Variants in PITPNC1 observed in about 807,000 individuals in gnomAD.
PITPNC1 encodes phosphatidylinositol transfer protein cytoplasmic 1, also known as cytoplasmic phosphatidylinositol transfer protein 1.
A neutral mutation model predicts 44.7 loss-of-function variants in PITPNC1; 18 were observed. That is an observed-to-expected ratio of 0.40 (90% CI 0.28 to 0.60). PITPNC1 has a LOEUF of 0.60. Among genes scored for constraint, PITPNC1 ranks in the 20% least tolerant of loss-of-function variants. The pLI, the probability that PITPNC1 is intolerant of heterozygous loss-of-function variation, is 0.39. For missense variants in PITPNC1, 290 were observed against 418.4 expected (o/e 0.69, Z 2.68); for synonymous variants, 141 against 149.6 (o/e 0.94, Z 0.42).
Position 67,508,404 on chromosome 17 carries a change from G to A in PITPNC1, c.49-24398G>A, listed in dbSNP as rs1311083000. On this transcript the variant is annotated intron_variant, in intron 1 of 8. Transcript: ENST00000581322. The surrounding 1 kb of genome is among the most constrained non-coding windows in gnomAD (Gnocchi z 4.2). ...TTTACACCATATAGGGTAACTTCCTGATGTTGCCATGGCATTTGTAAACTG... is the reference window on the plus strand; with the variant it reads ...TTTACACCATATAGGGTAACTTCCTAATGTTGCCATGGCATTTGTAAACTG... Among the ~76,000 whole-genome samples the A allele has an allele frequency of 6.6e-6, 1 of 152,244 alleles. No individual in the cohort carries two copies. Among genetic ancestry groups the A allele is most frequent in the African/African-American group, 2.4e-5 (1 of 41,456 alleles).
chr17:67,575,873 T>A, intron 4 of PITPNC1, among the ~76,000 whole-genome samples: 1 of 75,484 alleles, frequency 1.3e-5, no homozygotes, highest in African/African-American at 6.4e-5. Flanking sequence ...CTTCTTTCTT[T>A]CTTTCCTTTT....
In PITPNC1 at chr17:67,447,549, A is replaced by T. The variant is rs116072595; in HGVS notation, c.48+69347A>T. ...CCAGATAATTTTAAAATTTTTTTGTAGAGGCAGGGGTCTCACCATCTTGCC... is the reference window on the plus strand; with the variant it reads ...CCAGATAATTTTAAAATTTTTTTGTTGAGGCAGGGGTCTCACCATCTTGCC... On this transcript the variant is annotated intron_variant, in intron 1 of 8. Coordinates refer to ENST00000581322, the MANE Select transcript of PITPNC1 (RefSeq NM_012417.4). 4.8e-3 allele frequency among the ~76,000 whole-genome samples: 722 copies of T among 151,504 alleles called. 7 individuals are homozygous for T. Among genetic ancestry groups the T allele is most frequent in the African/African-American group, 0.017 (697 of 41,332 alleles).
chr17:67,585,866 C>T (rs2952460), intron 5 of PITPNC1, among the ~76,000 whole-genome samples: 9,396 of 152,274 alleles, frequency 0.062, 456 homozygotes, highest in African/African-American at 0.14. Flanking sequence ...AGGCAGCCAT[C>T]CGCAAGTCAA....
At chr17:67,414,458 A>G (rs1035186081) in intron 1 of PITPNC1, among the ~76,000 whole-genome samples, 4 of 149,750 alleles carry the variant, frequency 2.7e-5, no homozygotes, top group African/African-American at 9.8e-5. Context: ...TATATACTGT[A>G]TGCATCTATG....
Position 67,420,823 on chromosome 17 carries a change from C to T in PITPNC1, c.48+42621C>T, listed in dbSNP as rs768352652. Among the ~76,000 whole-genome samples, 35 of 152,212 alleles carry T rather than the reference C, an allele frequency of 2.3e-4. 1 individual carries two copies. Among genetic ancestry groups the T allele is most frequent in the Admixed American group, 3.9e-4 (6 of 15,274 alleles). ...TGTAGAAGCACTTAGTGTTTTGGCA[C>T]TCAGACTTACTTTCCAGTGTTTCTT... On this transcript the variant is annotated intron_variant, in intron 1 of 8. Coordinates refer to ENST00000581322, the MANE Select transcript of PITPNC1 (RefSeq NM_012417.4).
intron 2 of PITPNC1, among the ~76,000 whole-genome samples, chr17:67,551,033 C>T (rs1368499512): frequency 1.3e-5 from 2 of 152,124 alleles, no homozygotes; most frequent in African/African-American, 4.8e-5. Context: ...TGCACTCCAG[C>T]CTGGGTGACA....
intron 1 of PITPNC1, among the ~76,000 whole-genome samples, chr17:67,494,160 C>CCTCT (rs1491188167): frequency 1.2e-4 from 5 of 42,018 alleles, no homozygotes; most frequent in Non-Finnish European, 2.6e-4. Flanking sequence ...ATATGTGTAA[C>CCTCT]CTCTTTCTTT....
chr17:67,502,281 G>A lies in PITPNC1; in HGVS notation c.49-30521G>A, dbSNP rs1598748966. Reference sequence around the variant, plus strand: ...ATAATCCGTGTTTTAAGATTTACTTGTACTTTTTTTTTTTTTAGGCCACTA... The same window carrying A: ...ATAATCCGTGTTTTAAGATTTACTTATACTTTTTTTTTTTTTAGGCCACTA... On this transcript the variant is annotated intron_variant, in intron 1 of 8. Coordinates refer to ENST00000581322, the MANE Select transcript of PITPNC1 (RefSeq NM_012417.4). 2.8e-5 allele frequency among the ~76,000 whole-genome samples: 4 copies of A among 140,860 alleles called. No homozygotes were observed. In the South Asian group the frequency reaches 9.5e-4, roughly 33 times the overall value. 92.4% of individuals were successfully genotyped at this position (140,860 alleles called of 152,430 possible).
At chr17:67,605,715 G>A (rs1370295143) in intron 5 of PITPNC1, among the ~76,000 whole-genome samples, 4 of 152,130 alleles carry the variant, frequency 2.6e-5, no homozygotes, top group South Asian at 2.1e-4. Flanking sequence ...GAACCAGTTC[G>A]GAAAACTCTT....
At chr17:67,378,660 C>G (rs1251731652) in intron 1 of PITPNC1, among the ~76,000 whole-genome samples, 1 of 152,248 alleles carries the variant, frequency 6.6e-6, no homozygotes, top group South Asian at 2.1e-4. Flanking sequence ...CTGCACGCCC[C>G]GAGCCCCGCG....
chr17:67,483,003 CT>C (rs11313832), intron 1 of PITPNC1, among the ~76,000 whole-genome samples: 71,023 of 151,820 alleles, frequency 0.47, 16,996 homozygotes, highest in African/African-American at 0.56. Flanking sequence ...TATTATGCCG[CT>C]TGGTAGTCAC....
chr17:67,435,275 C>T (rs1050923330), intron 1 of PITPNC1, among the ~76,000 whole-genome samples: 3 of 152,156 alleles, frequency 2.0e-5, no homozygotes, highest in African/African-American at 7.2e-5. Flanking sequence ...AAGATAAAAG[C>T]CACAGAACAG....
intron 1 of PITPNC1, among the ~76,000 whole-genome samples, chr17:67,389,196 G>T (rs1056077565): frequency 6.6e-6 from 1 of 152,218 alleles, no homozygotes; most frequent in Non-Finnish European, 1.5e-5. Flanking sequence ...CTGCCATGTG[G>T]CCCTCTCCAC....
At chr17:67,614,832 G>A (rs1258243712) in intron 5 of PITPNC1, among the ~76,000 whole-genome samples, 2 of 151,802 alleles carry the variant, frequency 1.3e-5, no homozygotes, top group Non-Finnish European at 2.9e-5. Flanking sequence ...GGGGAATATA[G>A]TGGGACCCCG....
At chr17:67,535,833 C>T (rs1330167965) in intron 2 of PITPNC1, among the ~76,000 whole-genome samples, 2 of 152,194 alleles carry the variant, frequency 1.3e-5, no homozygotes, top group South Asian at 2.1e-4. Context: ...ATCGGGGGGA[C>T]ATCAGAACAG....
intron 3 of PITPNC1, chr17:67,553,116 C>T (rs1026539933): frequency 1.3e-5 from 2 of 152,400 alleles, no homozygotes; most frequent in Non-Finnish European, 2.9e-5. Flanking sequence ...ACAATAAACT[C>T]TTTGTACTGA....
intron 5 of PITPNC1, among the ~76,000 whole-genome samples, chr17:67,579,663 G>A (rs1598846392): frequency 6.8e-6 from 1 of 146,066 alleles, no homozygotes; most frequent in South Asian, 2.1e-4. Context: ...AGCAGCCTGG[G>A]CGCGGTAGCT....
In PITPNC1 at chr17:67,429,471, A is replaced by C. The variant is rs139529438; in HGVS notation, c.48+51269A>C. Among the ~76,000 whole-genome samples the C allele has an allele frequency of 6.6e-3, 994 of 151,256 alleles. 14 individuals are homozygous for C. The highest frequency in any genetic ancestry group is 0.023 in the African/African-American group (937 of 41,440). On this transcript the variant is annotated intron_variant, in intron 1 of 8. Coordinates refer to ENST00000581322, the MANE Select transcript of PITPNC1 (RefSeq NM_012417.4). ...CCCCAGCACTTTGGGAGGCCAAGGC[A>C]GGTGGATCATCTGAGGTCAGGAATT...
intron 1 of PITPNC1, among the ~76,000 whole-genome samples, chr17:67,479,991 A>G (rs1044047404): frequency 9.2e-5 from 14 of 152,264 alleles, no homozygotes; most frequent in African/African-American, 3.4e-4. Flanking sequence ...TTTCCAAAAA[A>G]GTAACAGGTT....
Sources: gnomAD v4.1 joint callset for allele counts (sites outside exome capture counted in the v4.1 genomes callset) on GRCh38, gnomAD v4.1.1 for gene constraint, Gnocchi (gnomAD v3.1) non-coding constraint, MANE v1.5 for transcripts, NCBI Gene and HGNC (gene_info 2026-07-23, HGNC 2026-07-21) for gene names.